FHL1: variants seen among roughly 807,000 people sequenced by gnomAD.
The protein encoded by FHL1 is four and a half LIM domains 1, also known as four and a half LIM domains protein 1.
In FHL1, 1 loss-of-function variant was observed where a neutral mutation model predicts 20.3. That is an observed-to-expected ratio of 0.05 (90% CI 0.02 to 0.23). FHL1 has a LOEUF of 0.23. Ranked by LOEUF, FHL1 falls within the 10% of genes least tolerant of loss-of-function variation. The pLI is 1.00. For missense variants in FHL1, 177 were observed against 234.0 expected (o/e 0.76, Z 1.59); for synonymous variants, 82 against 88.9 (o/e 0.92, Z 0.44).
intron 2 of FHL1, among the ~76,000 whole-genome samples, chrX:136,191,615 C>T (rs1020912793): frequency 1.3e-4 from 14 of 111,399 alleles, no homozygotes; most frequent in Non-Finnish European, 1.7e-4. Flanking sequence ...TTTGAAAACA[C>T]CAGTGCATAA....
At chrX:136,174,119 A>G (rs1252743751) in intron 2 of FHL1, among the ~76,000 whole-genome samples, 1 of 111,689 alleles carries the variant, frequency 9.0e-6, no homozygotes, top group Non-Finnish European at 1.9e-5. Context: ...TTTAACCCCT[A>G]TAGACATGTG....
chrX:136,207,114 C>G lies in FHL1; in HGVS notation c.303C>G (p.Asn101Lys), dbSNP rs762126486. 12 of 1,211,927 alleles carry G rather than the reference C, an allele frequency of 9.9e-6. No individual in the cohort carries two copies. Among genetic ancestry groups the G allele is most frequent in the Non-Finnish European group, 1.2e-5 (11 of 895,434 alleles). ...ATGAGACCTTTGTGGCCAAGGACAA[C>G]AAGATCCTGTGCAACAAGTGCACCA... ...LANETFVAKD[N>K]KILCNKCTTR... The change falls in exon 3 of 6, where the codon AAC (asparagine) becomes AAG (lysine). Residue 101 changes from asparagine (N) to lysine (K), a missense_variant. By Grantham distance (94) the Asn-to-Lys change is moderately conservative (BLOSUM62 0). Coordinates refer to ENST00000370683, the MANE Select transcript of FHL1 (RefSeq NM_001159699.2).
At chrX:136,200,238 TTTAA>T (rs1188609903) in intron 1 of FHL1, among the ~76,000 whole-genome samples, 1 of 112,497 alleles carries the variant, frequency 8.9e-6, no homozygotes, top group Non-Finnish European at 1.9e-5. Flanking sequence ...CTTGTAAAAC[TTTAA>T]TTTAGTTAAT....
intron 1 of FHL1, among the ~76,000 whole-genome samples, chrX:136,154,302 C>T (rs1187978336): frequency 2.7e-5 from 3 of 112,335 alleles, no homozygotes; most frequent in Admixed American, 9.4e-5. Flanking sequence ...GAATATGTTC[C>T]GAACAGCTGT....
At chrX:136,207,256 T>G in intron 3 of FHL1, 66 bp downstream of exon 3, 1 of 1,092,268 alleles carries the variant, frequency 9.2e-7, no homozygotes, top group Non-Finnish European at 1.2e-6. Context: ...GATGTGGGCT[T>G]GCTTATCATG....
chrX:136,183,094 CAAAAAAA>C (rs770573573), intron 2 of FHL1, among the ~76,000 whole-genome samples: 4 of 50,430 alleles, frequency 7.9e-5, no homozygotes, highest in African/African-American at 3.2e-4. Context: ...GAGACTGTCT[CAAAAAAA>C]AAAAAAACAA....
At chrX:136,180,623 T>C (rs2073129640) in intron 2 of FHL1, among the ~76,000 whole-genome samples, 1 of 112,769 alleles carries the variant, frequency 8.9e-6, no homozygotes, top group Non-Finnish European at 1.9e-5. Flanking sequence ...CTTTCGCAAG[T>C]ATATTGAACT....
chrX:136,166,178 C>G (rs2072704379), upstream of FHL1, among the ~76,000 whole-genome samples: 1 of 111,885 alleles, frequency 8.9e-6, no homozygotes, highest in Non-Finnish European at 1.9e-5. Context: ...ACGACCCCAG[C>G]TCATGTTAAG....
chrX:136,206,980 C>G (rs2073858168), intron 2 of FHL1, 36 bp from the exon 3 acceptor site: 2 of 1,207,026 alleles, frequency 1.7e-6, no homozygotes, highest in African/African-American at 3.5e-5. Context: ...CCCCAGCACC[C>G]CTCATGGTGG....
chrX:136,202,216 T>G (rs893923509), intron 1 of FHL1, among the ~76,000 whole-genome samples: 2 of 110,235 alleles, frequency 1.8e-5, no homozygotes, highest in East Asian at 5.8e-4. Context: ...AATACAAAAA[T>G]TAGCCAGGCG....
At position 136,211,220 on chromosome X, in the gene FHL1, T is replaced by C. The variant is rs1329828805; in HGVS notation, c.*1195T>C. ...AATGAGACAATATCAAAAGTAAACA[T>C]GTAATGACAATACATACTAACATTC... On this transcript the variant is annotated 3_prime_UTR_variant, in exon 6 of 6. Coordinates refer to ENST00000370683, the MANE Select transcript of FHL1 (RefSeq NM_001159699.2). 1 of 359,604 alleles carries C rather than the reference T, an allele frequency of 2.8e-6. No homozygotes were observed. Among genetic ancestry groups the C allele is most frequent in the South Asian group, 2.6e-5 (1 of 38,191 alleles). 29.6% of individuals were successfully genotyped at this position (359,604 alleles called of 1,213,427 possible).
intron 1 of FHL1, among the ~76,000 whole-genome samples, chrX:136,198,145 C>T (rs1263683071): frequency 2.4e-5 from 2 of 84,165 alleles, no homozygotes; most frequent in Non-Finnish European, 4.8e-5. Context: ...CAAAAGTTGT[C>T]TGGTTTTTTT....
At chrX:136,206,153 G>A (rs764841478) in intron 1 of FHL1, 1 of 440,623 alleles carries the variant, frequency 2.3e-6, no homozygotes, top group Non-Finnish European at 4.0e-6. Context: ...TCTGAGCAGG[G>A]GCTTCTACCA....
chrX:136,147,787 C>A, intron 1 of FHL1: 1 of 111,533 alleles, frequency 9.0e-6, no homozygotes, highest in Non-Finnish European at 1.9e-5. Flanking sequence ...CTGGGTACTG[C>A]GGCTTCGGCG....
chrX:136,182,289 A>G (rs2073175712), intron 2 of FHL1, among the ~76,000 whole-genome samples: 2 of 112,287 alleles, frequency 1.8e-5, no homozygotes, highest in Non-Finnish European at 3.8e-5. Flanking sequence ...TTACGCCCAC[A>G]GAATCAATTG....
rs869025431 is a variant in FHL1, at chrX:136,209,946, G to C, written c.812G>C (p.Cys271Ser). ...GACTACTGCTTCCACTGCAAAAAAT[G>C]CTCCGTGAATCTGGCCAACAAGCGC... The part of the protein sequence containing the change: ...WHDYCFHCKK[C>S]SVNLANKRFV... Residue 271 changes from cysteine (C) to serine (S), a missense_variant, in exon 6 of 6, where the codon TGC becomes TCC. Cys to Ser is a moderately radical substitution (Grantham distance 112). Coordinates refer to ENST00000370683, the MANE Select transcript of FHL1 (RefSeq NM_001159699.2). The C allele has an allele frequency of 8.3e-7, 1 of 1,208,776 alleles. No homozygotes were observed. Among genetic ancestry groups the C allele is most frequent in the Non-Finnish European group, 1.1e-6 (1 of 895,008 alleles).
At chrX:136,182,832 A>G (rs1269500901) in intron 2 of FHL1, 2 of 112,221 alleles carry the variant, frequency 1.8e-5, no homozygotes, top group Non-Finnish European at 3.8e-5. Context: ...CGCAGTGGCT[A>G]ACGCCTGTAA....
chrX:136,149,368 A>G (rs1465164705), intron 1 of FHL1, among the ~76,000 whole-genome samples: 3 of 112,350 alleles, frequency 2.7e-5, no homozygotes, highest in Non-Finnish European at 5.6e-5. Flanking sequence ...TTTGCCTTTT[A>G]TGTGGTGAGA....
At chrX:136,187,516 G>A (rs958361049) in intron 2 of FHL1, among the ~76,000 whole-genome samples, 5 of 112,044 alleles carry the variant, frequency 4.5e-5, no homozygotes, top group African/African-American at 1.3e-4. Context: ...AATGAACCTC[G>A]AAAACATTAT....
Sources: allele counts gnomAD v4.1 joint callset (sites outside exome capture counted in the v4.1 genomes callset), GRCh38; gene constraint gnomAD v4.1.1; transcripts MANE v1.5; gene names NCBI Gene and HGNC (gene_info 2026-07-23, HGNC 2026-07-21).